The following NPAS3 variants were observed in gnomAD, a reference collection of about 807,000 sequenced individuals.
The protein encoded by NPAS3 is neuronal PAS domain-containing protein 3.
In NPAS3, 14 loss-of-function variants were observed where a neutral mutation model predicts 73.1. That is an observed-to-expected ratio of 0.19 (90% CI 0.13 to 0.30). The LOEUF is 0.30. NPAS3 is among the 10% of genes least tolerant of loss of function. The probability of loss-of-function intolerance (pLI) is 1.00; values close to 1 mark genes in which losing one functional copy is unlikely to be tolerated. For missense variants in NPAS3, 1,096 were observed against 1,250.0 expected, an observed-to-expected ratio of 0.88 and a Z score of 1.86; for synonymous variants, 620 against 541.5, an observed-to-expected ratio of 1.14 and a Z score of -2.01.
At chr14:32,988,024 A>G (rs754679687) in intron 1 of NPAS3, among the ~76,000 whole-genome samples, 20 of 152,198 alleles carry the variant, frequency 1.3e-4, no homozygotes, top group Non-Finnish European at 2.2e-4. Flanking sequence ...TTCTACATCA[A>G]TAGGAGAAAA....
At chr14:33,550,238 C>T (rs2139690245) in intron 4 of NPAS3, among the ~76,000 whole-genome samples, 1 of 152,260 alleles carries the variant, frequency 6.6e-6, no homozygotes, top group South Asian at 2.1e-4. Context: ...AGGCTGGCCT[C>T]GAACTCCTGG....
intron 2 of NPAS3, among the ~76,000 whole-genome samples, chr14:33,174,545 T>G (rs2139399345): frequency 6.6e-6 from 1 of 152,370 alleles, no homozygotes; most frequent in South Asian, 2.1e-4. Flanking sequence ...TGCCTCATTT[T>G]AACATGTGGG....
At chr14:33,783,720 G>A (rs189310633) in intron 9 of NPAS3, among the ~76,000 whole-genome samples, 1 of 152,136 alleles carries the variant, frequency 6.6e-6, no homozygotes, top group Admixed American at 6.5e-5. Flanking sequence ...TCCCTGCTGC[G>A]CTTACTACAC....
chr14:33,455,099 A>G (rs1438042856), intron 4 of NPAS3, among the ~76,000 whole-genome samples: 3 of 152,370 alleles, frequency 2.0e-5, no homozygotes, highest in East Asian at 3.9e-4. Flanking sequence ...TGCTGCAAAT[A>G]GTATTCCGTG....
At chr14:33,694,787 C>T (rs964245678) in intron 6 of NPAS3, among the ~76,000 whole-genome samples, 5 of 152,142 alleles carry the variant, frequency 3.3e-5, no homozygotes, top group South Asian at 2.1e-4. Context: ...AGATACTCTG[C>T]GACAGCAAGA....
At chr14:33,509,512 CT>C (rs1253812476) in intron 4 of NPAS3, among the ~76,000 whole-genome samples, 1 of 151,996 alleles carries the variant, frequency 6.6e-6, no homozygotes, top group Non-Finnish European at 1.5e-5. Flanking sequence ...CTAGTTCTTT[CT>C]TGTACAAATG....
intron 2 of NPAS3, among the ~76,000 whole-genome samples, chr14:33,191,457 T>C (rs1175166684): frequency 1.3e-5 from 2 of 152,178 alleles, no homozygotes; most frequent in African/African-American, 2.4e-5. Context: ...GCAATAAAGA[T>C]AGAAGGTCTA....
intron 4 of NPAS3, among the ~76,000 whole-genome samples, chr14:33,373,784 C>A (rs564944024): frequency 1.3e-5 from 2 of 152,194 alleles, no homozygotes; most frequent in Admixed American, 1.3e-4. Context: ...TTAGAACATT[C>A]AAACCCAAAC....
At chr14:33,263,812 A>T (rs2049066115) in intron 3 of NPAS3, among the ~76,000 whole-genome samples, 1 of 152,080 alleles carries the variant, frequency 6.6e-6, no homozygotes, top group East Asian at 1.9e-4. Flanking sequence ...AGTGGTTTGT[A>T]GTTCTCCTTG....
At chr14:33,026,184 A>G (rs549122992) in intron 1 of NPAS3, among the ~76,000 whole-genome samples, 2 of 152,326 alleles carry the variant, frequency 1.3e-5, no homozygotes, top group South Asian at 2.1e-4. Flanking sequence ...ATGCAAAAAC[A>G]TAGCGTGTCC....
intron 1 of NPAS3, among the ~76,000 whole-genome samples, chr14:32,977,538 T>A (rs2037738269): frequency 6.6e-6 from 1 of 151,970 alleles, no homozygotes; most frequent in African/African-American, 2.4e-5. Context: ...TTGAGATCAA[T>A]CTGGGCAACA....
At chr14:33,267,079 T>C (rs1013890312) in intron 3 of NPAS3, among the ~76,000 whole-genome samples, 1 of 152,204 alleles carries the variant, frequency 6.6e-6, no homozygotes, top group Non-Finnish European at 1.5e-5. Context: ...AATCTGCTAT[T>C]GTATATTGCC....
intron 6 of NPAS3, among the ~76,000 whole-genome samples, chr14:33,711,867 G>A (rs2060827609): frequency 6.6e-6 from 1 of 152,052 alleles, no homozygotes; most frequent in Admixed American, 6.6e-5. Context: ...AAAGAGAGCA[G>A]ACCTCCCAGT....
intron 1 of NPAS3, among the ~76,000 whole-genome samples, chr14:32,966,838 G>A (rs1027988953): frequency 6.6e-6 from 1 of 151,984 alleles, no homozygotes; most frequent in South Asian, 2.1e-4. Flanking sequence ...AAGCGTAGGG[G>A]AAACACTTCA....
intron 7 of NPAS3, among the ~76,000 whole-genome samples, chr14:33,766,115 G>C (rs1033465200): frequency 6.6e-6 from 1 of 152,242 alleles, no homozygotes; most frequent in Admixed American, 6.5e-5. Context: ...TAATAATTTG[G>C]GTGTTGAACA....
At chr14:33,553,411 C>G (rs1234221205) in intron 4 of NPAS3, among the ~76,000 whole-genome samples, 1 of 152,150 alleles carries the variant, frequency 6.6e-6, no homozygotes, top group East Asian at 1.9e-4. Context: ...ATCTATGGCT[C>G]TTAACTGTTT....
chr14:33,542,607 T>C (rs2054573008), intron 4 of NPAS3, among the ~76,000 whole-genome samples: 1 of 152,176 alleles, frequency 6.6e-6, no homozygotes, highest in East Asian at 1.9e-4. Context: ...CAGAACTGAA[T>C]TTACTTGAGA....
chr14:33,049,353 A>G (rs1253950063), intron 1 of NPAS3, among the ~76,000 whole-genome samples: 1 of 152,158 alleles, frequency 6.6e-6, no homozygotes, highest in Non-Finnish European at 1.5e-5. Context: ...GTCCATTTTC[A>G]TGCTGCTGAT....
intron 4 of NPAS3, among the ~76,000 whole-genome samples, chr14:33,491,644 CTGAGT>C (rs2051906033): frequency 6.6e-6 from 1 of 152,100 alleles, no homozygotes; most frequent in Non-Finnish European, 1.5e-5. Flanking sequence ...AATAAGTATA[CTGAGT>C]TGTTTGGTTC....
Sources: gnomAD v4.1 joint callset for allele counts (sites outside exome capture counted in the v4.1 genomes callset) on GRCh38, gnomAD v4.1.1 for gene constraint, MANE v1.5 for transcripts, NCBI Gene and HGNC (gene_info 2026-07-23, HGNC 2026-07-21) for gene names.